Variants in WDR47 observed in about 807,000 individuals in gnomAD.
The protein encoded by WDR47 is WD repeat-containing protein 47.
A neutral mutation model predicts 97.2 loss-of-function variants in WDR47; 32 were observed. The observed-to-expected ratio is 0.33, with a 90% confidence interval of 0.25 to 0.44. The LOEUF (loss-of-function observed/expected upper bound fraction) is 0.44. Among genes scored for constraint, WDR47 ranks in the 20% least tolerant of loss-of-function variants. The pLI, the probability that WDR47 is intolerant of heterozygous loss-of-function variation, is 1.00. For synonymous variants in WDR47, 375 were observed against 373.5 expected (o/e 1.00, Z -0.05); for missense variants, 782 against 1,102.3 (o/e 0.71, Z 4.11).
At chr1:109,004,845 G>C in intron 5 of WDR47, 130 bp from the exon 6 acceptor site, 2 of 1,157,468 alleles carry the variant, frequency 1.7e-6, no homozygotes, top group South Asian at 2.1e-5. Context: ...GCCCCGACTG[G>C]AGTGACGCAA....
intron 1 of WDR47, chr1:109,041,446 C>T (rs534295371): frequency 3.7e-4 from 57 of 152,340 alleles, no homozygotes; most frequent in African/African-American, 1.2e-3. Context: ...GCGAGCGCGC[C>T]CCTCAGTTCT....
intron 5 of WDR47, among the ~76,000 whole-genome samples, chr1:109,008,273 CTTT>C (rs200754295): frequency 1.3e-5 from 2 of 148,998 alleles, no homozygotes; most frequent in South Asian, 4.2e-4. Context: ...TCCTATACTT[CTTT>C]TTTTTTTGGA....
chr1:109,017,691 T>G, intron 2 of WDR47, 90 bp from the exon 3 acceptor site: 1 of 945,616 alleles, frequency 1.1e-6, no homozygotes, highest in Non-Finnish European at 1.6e-6. Flanking sequence ...GCATTCAAAC[T>G]TCATAAAGCA....
chr1:108,996,400 A>G (rs1267368589), intron 7 of WDR47, among the ~76,000 whole-genome samples: 1 of 152,176 alleles, frequency 6.6e-6, no homozygotes, highest in Non-Finnish European at 1.5e-5. Flanking sequence ...AAAACAGAAA[A>G]AAAATTCTTT....
At chr1:108,984,862 G>A (rs494436) in intron 10 of WDR47, among the ~76,000 whole-genome samples, 33,779 of 152,028 alleles carry the variant, frequency 0.22, 4,016 homozygotes, top group Admixed American at 0.3. Context: ...TGGCGACAGA[G>A]TGAGACTCTG....
chr1:109,020,925 C>T (rs1054708631), intron 2 of WDR47, among the ~76,000 whole-genome samples: 1 of 141,424 alleles, frequency 7.1e-6, no homozygotes, highest in South Asian at 2.2e-4. Context: ...TCCTTCTTGT[C>T]GCCCAAGCTG....
chr1:108,994,717 G>C (rs943702225), intron 8 of WDR47, among the ~76,000 whole-genome samples: 5 of 152,066 alleles, frequency 3.3e-5, no homozygotes, highest in Admixed American at 3.3e-4. Context: ...AACCATGTAT[G>C]TATATTACAT....
chr1:109,009,769 G>A (rs536055149), intron 5 of WDR47, among the ~76,000 whole-genome samples: 153 of 151,736 alleles, frequency 1.0e-3, no homozygotes, highest in African/African-American at 3.6e-3. Flanking sequence ...AGGCCGAGGC[G>A]GGTGGATCAG....
chr1:109,017,174 TC>T (rs1661477963), intron 3 of WDR47, among the ~76,000 whole-genome samples: 1 of 152,094 alleles, frequency 6.6e-6, no homozygotes, highest in African/African-American at 2.4e-5. Context: ...GAACATTAAA[TC>T]AACTTAAAAT....
At chr1:109,009,369 G>T (rs1454797551) in intron 5 of WDR47, among the ~76,000 whole-genome samples, 6 of 152,138 alleles carry the variant, frequency 3.9e-5, no homozygotes, top group Non-Finnish European at 1.5e-5. Context: ...ATTATTCCAT[G>T]CCAGGTTTGA....
In WDR47 at chr1:109,011,123, T is replaced by G; in HGVS notation, c.923A>C (p.Tyr308Ser). 6.2e-7 allele frequency: 1 copy of G among 1,614,164 alleles called. No homozygotes were observed. The highest frequency in any genetic ancestry group is 8.5e-7 in the Non-Finnish European group (1 of 1,180,038). ...AGCAGGATTCAGAGAGCGGGTCATA[T>G]AGGCATCAGCTGATTGAGGTCTTCT... is the stretch of plus-strand genomic sequence containing the variant. ...PMRRPQSADA[Y>S]MTRSLNPALD... The change falls in exon 5 of 15, where the codon TAT becomes TCT. Residue 308 changes from tyrosine to serine, a missense_variant. Around this residue, in one of 3 missense-constraint regions of WDR47, gnomAD observed 428 missense variants for 584.3 expected, o/e 0.73. Coordinates refer to ENST00000369962, the MANE Select transcript of WDR47 (RefSeq NM_001142551.2).
rs1385174784 is a variant in WDR47 at position 109,002,297 on chromosome 1, A to G, written c.1360T>C (p.Leu454=). ...TCCTGATTCACGCCTCCTTCAAGCA[A>G]CATCTGTTGGTATATCTGCCGCTGT... ...EQQRQIYQQM[L]LEGGVNQEDG... Residue 454 remains leucine (L), a synonymous_variant, in exon 7 of 15, where the codon TTG becomes CTG. Transcript: ENST00000369962. 1 of 1,613,050 alleles carries G rather than the reference A, an allele frequency of 6.2e-7. No homozygotes were observed. The highest frequency in any genetic ancestry group is 8.5e-7 in the Non-Finnish European group (1 of 1,179,870).
In WDR47 at chr1:109,022,580, CT is replaced by C. The variant is rs574581017; in HGVS notation, c.158+774del. Among the ~76,000 whole-genome samples the C allele has an allele frequency of 5.9e-5, 9 of 151,940 alleles. No homozygotes were observed. In the South Asian group the frequency reaches 1.2e-3, roughly 21 times the overall value. The stretch of plus-strand genomic sequence containing the variant: ...AGAAAGCATTATTTTGTAAATGTTC[CT>C]TTTTTTTATTTTTGTATTTTTGAGA... On this transcript the variant is annotated intron_variant, in intron 2 of 14. Transcript: ENST00000369962.
chr1:109,017,525 T>G lies in WDR47; in HGVS notation c.235A>C (p.Lys79Gln), dbSNP rs2101972358. ...CTTTAGATAAAATCTTACCTTTTTTTGTCAAATTTTTCCATACATTCTAGA... is the reference window on the plus strand; with the variant it reads ...CTTTAGATAAAATCTTACCTTTTTTGGTCAAATTTTTCCATACATTCTAGA... Reference protein sequence around the residue: ...QPLECMEKFDKKRFRYIILKQ... With the variant: ...QPLECMEKFDQKRFRYIILKQ... Residue 79 changes from lysine to glutamine, a missense_variant, in exon 3 of 15, where the codon AAA (lysine) becomes CAA (glutamine). Physicochemically the swap from Lys to Gln is moderately conservative, Grantham distance 53. Coordinates refer to ENST00000369962, the MANE Select transcript of WDR47 (RefSeq NM_001142551.2). 1.2e-6 allele frequency: 2 copies of G among 1,612,360 alleles called. No homozygotes were observed. The highest frequency in any genetic ancestry group is 1.7e-6 in the Non-Finnish European group (2 of 1,179,468).
intron 1 of WDR47, among the ~76,000 whole-genome samples, chr1:109,036,790 A>G (rs1662984772): frequency 6.7e-6 from 1 of 149,640 alleles, no homozygotes; most frequent in Non-Finnish European, 1.5e-5. Flanking sequence ...AGCCGAGATC[A>G]TGCCACTGCA....
chr1:108,999,045 GTGAAAGCCTGTCT>G (rs1210329895), intron 7 of WDR47, among the ~76,000 whole-genome samples: 1 of 152,072 alleles, frequency 6.6e-6, no homozygotes, highest in Admixed American at 6.6e-5. Flanking sequence ...GACCAACATG[GTGAAAGCCTGTCT>G]CTACTAAAAA....
chr1:109,025,021 T>C (rs1477556511), intron 1 of WDR47: 3 of 152,194 alleles, frequency 2.0e-5, no homozygotes, highest in African/African-American at 4.8e-5. Context: ...AAAATATATG[T>C]AGGCCCACAG....
At chr1:109,025,246 TGGGCAACATG>T (rs1275954210) in intron 1 of WDR47, among the ~76,000 whole-genome samples, 1 of 151,382 alleles carries the variant, frequency 6.6e-6, no homozygotes, top group Non-Finnish European at 1.5e-5. Context: ...GAGACAAGCC[TGGGCAACATG>T]GCGAAACATG....
chr1:109,040,189 C>A (rs1400802401), intron 1 of WDR47, among the ~76,000 whole-genome samples: 1 of 152,058 alleles, frequency 6.6e-6, no homozygotes, highest in South Asian at 2.1e-4. Flanking sequence ...TACAAGAATG[C>A]AATCAGTAGC....
Sources: allele counts gnomAD v4.1 joint callset (sites outside exome capture counted in the v4.1 genomes callset), GRCh38; gene constraint gnomAD v4.1.1; regional missense constraint gnomAD v4.1.1; transcripts MANE v1.5; gene names NCBI Gene and HGNC (gene_info 2026-07-23, HGNC 2026-07-21).